LRRC7: variants seen among roughly 807,000 people sequenced by gnomAD.
LRRC7 encodes the protein leucine rich repeat containing 7.
A neutral mutation model predicts 175.7 loss-of-function variants in LRRC7; 23 were observed. The ratio of observed to expected loss-of-function variants is 0.13; its 90% CI spans 0.09 to 0.19. The LOEUF is 0.19. LRRC7 is among the 10% of genes least tolerant of loss of function. The probability of loss-of-function intolerance (pLI) is 1.00; values close to 1 mark genes in which losing one functional copy is unlikely to be tolerated. For synonymous variants in LRRC7, 685 were observed against 680.9 expected (o/e 1.01, Z -0.09); for missense variants, 1,354 against 1,904.7 (o/e 0.71, Z 5.38).
chr1:69,704,946 C>T (rs1229178055), intron 2 of LRRC7, among the ~76,000 whole-genome samples: 1 of 152,070 alleles, frequency 6.6e-6, no homozygotes, highest in Non-Finnish European at 1.5e-5. Flanking sequence ...CATTTGTAAT[C>T]ACATGTCCTC....
At chr1:70,074,043 A>T (rs1296559610) in intron 23 of LRRC7, among the ~76,000 whole-genome samples, 1 of 152,104 alleles carries the variant, frequency 6.6e-6, no homozygotes, top group Non-Finnish European at 1.5e-5. Flanking sequence ...TCTACTAAAG[A>T]TACAAATAAT....
intron 2 of LRRC7, among the ~76,000 whole-genome samples, chr1:69,712,188 C>T (rs1175334531): frequency 6.6e-6 from 1 of 151,886 alleles, no homozygotes; most frequent in Non-Finnish European, 1.5e-5. Flanking sequence ...GTCACTTAGC[C>T]AAGTGTACCC....
intron 25 of LRRC7, among the ~76,000 whole-genome samples, chr1:70,095,962 GT>G (rs774285854): frequency 3.2e-4 from 48 of 151,426 alleles, no homozygotes; most frequent in Non-Finnish European, 6.9e-4. Flanking sequence ...TATGCATGTT[GT>G]TTTTTTTGTT....
At chr1:69,729,197 G>A (rs988299557) in intron 2 of LRRC7, among the ~76,000 whole-genome samples, 3 of 152,094 alleles carry the variant, frequency 2.0e-5, no homozygotes, top group South Asian at 2.1e-4. Flanking sequence ...TGAGATTTGG[G>A]TGGGGACACA....
intron 18 of LRRC7, among the ~76,000 whole-genome samples, chr1:70,029,340 T>C (rs1040514528): frequency 2.6e-5 from 4 of 152,050 alleles, no homozygotes; most frequent in African/African-American, 9.7e-5. Flanking sequence ...GTTTAGACTG[T>C]ATATTAAAGG....
chr1:70,078,422 T>C (rs1662943087), intron 24 of LRRC7, among the ~76,000 whole-genome samples: 1 of 152,114 alleles, frequency 6.6e-6, no homozygotes, highest in Non-Finnish European at 1.5e-5. Context: ...TAGGTTGAAG[T>C]TGTGGGAAAA....
chr1:69,841,222 C>T (rs954260180), intron 7 of LRRC7, among the ~76,000 whole-genome samples: 6 of 151,916 alleles, frequency 3.9e-5, no homozygotes, highest in Non-Finnish European at 7.4e-5. Flanking sequence ...CTCAAGTGTG[C>T]TTCTCTATAG....
intron 2 of LRRC7, among the ~76,000 whole-genome samples, chr1:69,740,379 C>G (rs1041254986): frequency 6.6e-6 from 1 of 151,886 alleles, no homozygotes; most frequent in Non-Finnish European, 1.5e-5. Flanking sequence ...ATAAGGACAC[C>G]CACCCTTTCA....
intron 3 of LRRC7, among the ~76,000 whole-genome samples, chr1:69,791,611 A>T (rs1011059808): frequency 7.9e-5 from 12 of 152,074 alleles, no homozygotes; most frequent in Non-Finnish European, 1.5e-4. Flanking sequence ...TGCATATTTG[A>T]TAAACAACTG....
At position 69,601,370 on chromosome 1, in the gene LRRC7, C is replaced by T. The variant is rs181807547; in HGVS notation, c.2+32729C>T. Among the ~76,000 whole-genome samples the T allele has an allele frequency of 1.4e-4, 21 of 152,226 alleles. No individual in the cohort carries two copies. In the East Asian group the frequency reaches 4.1e-3, roughly 29 times the overall value. ...TTACTGCGTGGATCATTCTAGCCTC[C>T]CCCTTTTGCTTCTCTGTAACCTCCC... On this transcript the variant is annotated intron_variant, in intron 1 of 26. Transcript: ENST00000651989.
chr1:70,097,070 G>A (rs973548180), intron 25 of LRRC7, among the ~76,000 whole-genome samples: 1 of 152,066 alleles, frequency 6.6e-6, no homozygotes, highest in African/African-American at 2.4e-5. Context: ...AAAACACATA[G>A]GTAATGAATG....
In LRRC7 at chr1:70,131,635, CATA is replaced by C. The variant is rs995866467; in HGVS notation, c.*9750_*9752del. Among the ~76,000 whole-genome samples, 174 of 152,252 alleles carry C rather than the reference CATA, an allele frequency of 1.1e-3. No individual in the cohort carries two copies. Among genetic ancestry groups the C allele is most frequent in the African/African-American group, 4.0e-3 (167 of 41,560 alleles). ...TATCAAGTTAATTATGTCTTCTTCT[CATA>C]AAATTTTTGATTTAGAAAGATTTAG... On this transcript the variant is annotated 3_prime_UTR_variant, in exon 27 of 27. Transcript: ENST00000651989.
intron 7 of LRRC7, among the ~76,000 whole-genome samples, chr1:69,917,878 A>G (rs1409989534): frequency 1.3e-5 from 2 of 152,100 alleles, no homozygotes; most frequent in Non-Finnish European, 2.9e-5. Context: ...TCGAGCTACA[A>G]TCTCAAAAAA....
At chr1:69,948,359 G>T (rs1214320325) in intron 8 of LRRC7, among the ~76,000 whole-genome samples, 1 of 152,030 alleles carries the variant, frequency 6.6e-6, no homozygotes, top group Non-Finnish European at 1.5e-5. Flanking sequence ...GTTTCAACTT[G>T]AAGGACTCTC....
At chr1:69,678,837 C>T (rs1432959776) in intron 2 of LRRC7, among the ~76,000 whole-genome samples, 3 of 152,048 alleles carry the variant, frequency 2.0e-5, no homozygotes, top group Non-Finnish European at 4.4e-5. Flanking sequence ...TATCTAAAGT[C>T]AACACTTTCC....
chr1:70,135,410 A>G lies in LRRC7; in HGVS notation c.*13523A>G, dbSNP rs1666826910. Among the ~76,000 whole-genome samples, 1 of 152,146 alleles carries G rather than the reference A, an allele frequency of 6.6e-6. No homozygotes were observed. Among genetic ancestry groups the G allele is most frequent in the Non-Finnish European group, 1.5e-5 (1 of 68,024 alleles). ...TGAGGTAAAGATGTAAAGATGTAAA[A>G]AGCTCTGCTTTTAGGTACAACAAAT... On this transcript the variant is annotated 3_prime_UTR_variant, in exon 27 of 27. Transcript: ENST00000651989.
At chr1:69,645,946 T>A (rs967927493) in intron 1 of LRRC7, among the ~76,000 whole-genome samples, 1 of 152,078 alleles carries the variant, frequency 6.6e-6, no homozygotes, top group Non-Finnish European at 1.5e-5. Context: ...TTCCTCAAGG[T>A]CAAAGGCCAT....
intron 2 of LRRC7, among the ~76,000 whole-genome samples, chr1:69,720,905 A>T (rs1303600659): frequency 6.6e-6 from 1 of 151,832 alleles, no homozygotes; most frequent in African/African-American, 2.4e-5. Context: ...CAGTTCAGTG[A>T]CATTAACTGC....
intron 3 of LRRC7, among the ~76,000 whole-genome samples, chr1:69,774,061 AGGT>A (rs775223822): frequency 1.3e-5 from 2 of 152,168 alleles, no homozygotes; most frequent in South Asian, 2.1e-4. Context: ...AATGGGTCAC[AGGT>A]GACCCCTAGG....
Sources: allele counts gnomAD v4.1 joint callset (sites outside exome capture counted in the v4.1 genomes callset), GRCh38; gene constraint gnomAD v4.1.1; transcripts MANE v1.5; gene names NCBI Gene and HGNC (gene_info 2026-07-23, HGNC 2026-07-21).